The following TJP1 variants were observed in gnomAD, a reference collection of about 807,000 sequenced individuals.
TJP1 encodes tight junction protein ZO-1.
TJP1 carries 43 observed loss-of-function variants against 194.2 expected under a neutral mutation model. The ratio of observed to expected loss-of-function variants is 0.22; its 90% confidence interval spans 0.17 to 0.29. TJP1 has a LOEUF of 0.29. Among genes scored for constraint, TJP1 ranks in the 10% least tolerant of loss-of-function variants. The pLI is 1.00. For missense variants in TJP1, 1,971 were observed against 2,185.7 expected (o/e 0.90, Z 1.96); for synonymous variants, 801 against 779.0 (o/e 1.03, Z -0.47).
intron 2 of TJP1, among the ~76,000 whole-genome samples, chr15:29,947,260 C>T (rs898315822): frequency 1.3e-5 from 2 of 152,168 alleles, no homozygotes; most frequent in Non-Finnish European, 2.9e-5. Context: ...GTGTCTATTA[C>T]TGGTCCATGG....
intron 10 of TJP1, among the ~76,000 whole-genome samples, chr15:29,739,593 G>A (rs555837853): frequency 1.1e-4 from 16 of 151,312 alleles, no homozygotes; most frequent in Admixed American, 5.3e-4. Flanking sequence ...ACAGGCGCCC[G>A]CCACCACGCC....
intron 22 of TJP1, among the ~76,000 whole-genome samples, chr15:29,717,347 T>C (rs1224633070): frequency 1.3e-5 from 2 of 152,236 alleles, no homozygotes; most frequent in Non-Finnish European, 2.9e-5. Flanking sequence ...AGTAAATTCA[T>C]ATTAGACAGT....
chr15:29,880,207 CTG>C, intron 2 of TJP1, among the ~76,000 whole-genome samples: 1 of 152,206 alleles, frequency 6.6e-6, no homozygotes, highest in Middle Eastern at 3.4e-3. Flanking sequence ...GTGTCTAAAA[CTG>C]AAGCTGTAAT....
chr15:29,790,616 A>G (rs1461901192), intron 2 of TJP1, among the ~76,000 whole-genome samples: 2 of 152,276 alleles, frequency 1.3e-5, no homozygotes, highest in East Asian at 3.9e-4. Flanking sequence ...CTATTGTGCT[A>G]CTAAACACTG....
chr15:29,726,525 A>T, intron 17 of TJP1, 46 bp from the exon 18 acceptor site: 1 of 1,564,806 alleles, frequency 6.4e-7, no homozygotes, highest in Non-Finnish European at 8.8e-7. Flanking sequence ...AGCACTGCCA[A>T]AAGTCAGAAT....
chr15:29,766,426 C>A lies in TJP1; in HGVS notation c.429G>T (p.Arg143=). The change falls in exon 5 of 28, where the codon CGG becomes CGT. Residue 143 remains arginine (R), a synonymous_variant. Transcript: ENST00000614355. ...CACTCCTTCTGTTAACCACACCACT[C>A]CGGCCACTTCTTGGATCATGTATTT... ...DEEIHDPRSG[R]SGVVNRRSEK... is the part of the protein sequence containing the mutation. 1 of 1,614,184 alleles carries A rather than the reference C, an allele frequency of 6.2e-7. No homozygotes were observed. Among genetic ancestry groups the A allele is most frequent in the South Asian group, 1.1e-5 (1 of 91,076 alleles).
chr15:29,761,111 T>C (rs777060487), intron 8 of TJP1, 28 bp downstream of exon 8: 128 of 1,559,562 alleles, frequency 8.2e-5, no homozygotes, highest in Non-Finnish European at 1.0e-4. Flanking sequence ...AAAACCCCTG[T>C]ATTTTTTAAA....
chr15:29,750,006 C>G (rs1359160146), intron 8 of TJP1, among the ~76,000 whole-genome samples: 3 of 147,804 alleles, frequency 2.0e-5, no homozygotes, highest in Non-Finnish European at 4.5e-5. Context: ...CTGTGTCCGG[C>G]TAATTTTTTT....
intron 2 of TJP1, among the ~76,000 whole-genome samples, chr15:29,896,533 C>T (rs950640943): frequency 2.3e-4 from 35 of 152,070 alleles, no homozygotes; most frequent in Non-Finnish European, 4.4e-4. Context: ...AAAAGATACC[C>T]GAAAATGTGG....
chr15:29,887,503 G>A (rs35691180), intron 2 of TJP1, among the ~76,000 whole-genome samples: 3,704 of 151,802 alleles, frequency 0.024, 67 homozygotes, highest in Middle Eastern at 0.041. Context: ...GTTTCACCAC[G>A]TTAGCCAGGC....
At chr15:29,901,691 G>A (rs1421996823) in intron 2 of TJP1, among the ~76,000 whole-genome samples, 2 of 152,016 alleles carry the variant, frequency 1.3e-5, no homozygotes, top group African/African-American at 4.8e-5. Context: ...CTTGGTGGCG[G>A]GCGCCTGTAA....
rs185121987 is a variant in TJP1 at position 29,802,107 on chromosome 15, A to T, written c.28-1405T>A. ...AATGTTACCATTTTATGAAACTGGG[A>T]CTCCTAAAATGTATTTACAAGTAAA... On this transcript the variant is annotated intron_variant, in intron 1 of 27. Coordinates refer to ENST00000614355, the MANE Select transcript of TJP1 (RefSeq NM_001330239.4). Among the ~76,000 whole-genome samples, 29 of 152,124 alleles carry T rather than the reference A, an allele frequency of 1.9e-4. No individual in the cohort carries two copies. In the East Asian group the frequency reaches 5.6e-3, roughly 29 times the overall value.
chr15:29,705,439 G>T, intron 26 of TJP1, 89 bp downstream of exon 26: 2 of 1,318,880 alleles, frequency 1.5e-6, no homozygotes, highest in Non-Finnish European at 1.1e-6. Flanking sequence ...GAGAGGTGCT[G>T]CATTATTAGC....
At chr15:29,732,360 G>T in intron 15 of TJP1, 73 bp downstream of exon 15, 1 of 1,245,326 alleles carries the variant, frequency 8.0e-7, no homozygotes, top group Non-Finnish European at 1.1e-6. Context: ...TTTATTGAAT[G>T]AGTGAATCAG....
At chr15:29,811,862 G>T (rs1330205170) in intron 1 of TJP1, among the ~76,000 whole-genome samples, 3 of 150,988 alleles carry the variant, frequency 2.0e-5, no homozygotes, top group African/African-American at 7.3e-5. Flanking sequence ...TGTCCAAAAT[G>T]AATGAATGAA....
chr15:29,914,172 G>GT (rs1480310404), intron 2 of TJP1, among the ~76,000 whole-genome samples: 4 of 152,146 alleles, frequency 2.6e-5, no homozygotes, highest in African/African-American at 9.7e-5. Flanking sequence ...GAGGATTTTT[G>GT]TAAGTTAGAA....
chr15:29,949,604 T>A (rs868083464), intron 2 of TJP1, among the ~76,000 whole-genome samples: 18 of 29,688 alleles, frequency 6.1e-4, no homozygotes, highest in South Asian at 1.4e-3. Flanking sequence ...AACCACCACC[T>A]CCACCTTCAC....
intron 2 of TJP1, among the ~76,000 whole-genome samples, chr15:29,929,560 G>A (rs2054635924): frequency 6.6e-6 from 1 of 152,086 alleles, no homozygotes; most frequent in Non-Finnish European, 1.5e-5. Flanking sequence ...AGCTGGGTGT[G>A]GCGGTGAATG....
Position 29,726,984 on chromosome 15 carries a change from T to C in TJP1, c.2108A>G (p.His703Arg), listed in dbSNP as rs2043280826. ...TIKQIIDQDK[H>R]ALLDVTPNAV... ...ATTTGGTGTTACATCTAATAAAGCA[T>C]GTTTGTCCTAGAAACAGAAAGAAAA... is the stretch of plus-strand genomic sequence containing the variant. Residue 703 changes from histidine to arginine, a missense_variant, in exon 17 of 28, where the codon CAT becomes CGT. Around this residue, in one of 5 missense-constraint regions of TJP1, gnomAD observed 402 missense variants for 484.2 expected, o/e 0.83. Transcript: ENST00000614355. The C allele has an allele frequency of 6.2e-7, 1 of 1,613,454 alleles. No individual in the cohort carries two copies. The highest frequency in any genetic ancestry group is 1.7e-5 in the Admixed American group (1 of 59,866).
Sources: allele counts gnomAD v4.1 joint callset (sites outside exome capture counted in the v4.1 genomes callset), GRCh38; gene constraint gnomAD v4.1.1; regional missense constraint gnomAD v4.1.1; transcripts MANE v1.5; gene names NCBI Gene and HGNC (gene_info 2026-07-23, HGNC 2026-07-21).